CSRP2: variants seen among roughly 807,000 people sequenced by gnomAD.
The protein encoded by CSRP2 is cysteine and glycine rich protein 2.
A neutral mutation model predicts 24.6 loss-of-function variants in CSRP2; 18 were observed. That is an observed-to-expected ratio of 0.73 (90% CI 0.51 to 1.09). The LOEUF (loss-of-function observed/expected upper bound fraction) is 1.09. CSRP2 is among the 50% of genes least tolerant of loss of function. The pLI is 0.00. For missense variants in CSRP2, 215 were observed against 239.4 expected, an observed-to-expected ratio of 0.90 and a Z score of 0.67; for synonymous variants, 87 against 84.3, an observed-to-expected ratio of 1.03 and a Z score of -0.18.
intron 2 of CSRP2, 145 bp from the exon 3 acceptor site, chr12:76,863,489 AT>A: frequency 1.4e-6 from 1 of 725,406 alleles, no homozygotes. Flanking sequence ...CCCAAAAGCC[AT>A]GAGACAGCAT....
intron 4 of CSRP2, 53 bp downstream of exon 4, chr12:76,860,231 A>T: frequency 6.3e-7 from 1 of 1,590,794 alleles, no homozygotes; most frequent in Middle Eastern, 2.2e-4. Flanking sequence ...GTTAGGGGAG[A>T]AAGGGAGCAG....
intron 1 of CSRP2, among the ~76,000 whole-genome samples, chr12:76,871,577 T>C (rs1050345984): frequency 7.2e-5 from 11 of 152,094 alleles, no homozygotes; most frequent in East Asian, 1.9e-4. Flanking sequence ...AAGACCATCC[T>C]GGCTAACACG....
Position 76,858,899 on chromosome 12 carries a change from C to T in CSRP2, c.*53G>A. On this transcript the variant is annotated 3_prime_UTR_variant, in exon 6 of 6. Transcript: ENST00000311083. ...AGTTTAGTGTTAAAGATTATCTGTG[C>T]CTAGATTATGAAGAGATTCTCAGTG... 3 of 1,471,024 alleles carry T rather than the reference C, an allele frequency of 2.0e-6. No homozygotes were observed. Among genetic ancestry groups the T allele is most frequent in the Non-Finnish European group, 2.9e-6 (3 of 1,050,212 alleles). The allele number at this position is 1,471,024 out of a possible 1,614,324, so 91.1% of individuals were successfully genotyped here. A position where few individuals can be genotyped will look rare whatever the true frequency, so the allele number is the denominator to read the frequency against.
chr12:76,863,162 G>A lies in CSRP2; in HGVS notation c.281+14C>T. On this transcript the variant is annotated intron_variant, in intron 3 of 5. Coordinates refer to ENST00000311083, the MANE Select transcript of CSRP2 (RefSeq NM_001321.3). ...AACTCATTTCTGAAGGTAACCAACG[G>A]TCTCCCAACTCACCTCTCTGGTTTG... 2 of 1,603,304 alleles carry A rather than the reference G, an allele frequency of 1.2e-6. No homozygotes were observed. The highest frequency in any genetic ancestry group is 2.2e-5 in the South Asian group (2 of 90,166).
At chr12:76,875,837 A>G (rs1237484508) in intron 1 of CSRP2, among the ~76,000 whole-genome samples, 1 of 152,238 alleles carries the variant, frequency 6.6e-6, no homozygotes, top group African/African-American at 2.4e-5. Flanking sequence ...CATAACAACT[A>G]AAGTAAGCAC....
chr12:76,869,541 CA>C (rs1953772638), intron 1 of CSRP2, among the ~76,000 whole-genome samples: 1 of 124,902 alleles, frequency 8.0e-6, no homozygotes, highest in African/African-American at 3.3e-5. Flanking sequence ...CACACACACA[CA>C]CACACACACA....
At chr12:76,864,904 G>C (rs946205059) in intron 2 of CSRP2, 1 of 152,174 alleles carries the variant, frequency 6.6e-6, no homozygotes, top group Non-Finnish European at 1.5e-5. Flanking sequence ...CCTTAACAGA[G>C]AGAATAAATG....
intron 1 of CSRP2, among the ~76,000 whole-genome samples, chr12:76,876,096 G>A (rs569683332): frequency 6.6e-6 from 1 of 152,282 alleles, no homozygotes; most frequent in South Asian, 2.1e-4. Context: ...GCCGTGTGCT[G>A]GATGAGGATT....
chr12:76,863,514 C>A (rs1953705265), intron 2 of CSRP2, 170 bp from the exon 3 acceptor site: 1 of 565,328 alleles, frequency 1.8e-6, no homozygotes, highest in Admixed American at 3.3e-5. Context: ...GACTGGCCAG[C>A]TACATTCGAG....
intron 4 of CSRP2, 103 bp downstream of exon 4, chr12:76,860,181 G>A: frequency 1.6e-6 from 2 of 1,268,240 alleles, no homozygotes; most frequent in Non-Finnish European, 2.2e-6. Context: ...ATATAAGACA[G>A]TGATTTGTAA....
At chr12:76,862,690 T>C (rs1353790662) in intron 3 of CSRP2, 1 of 1,223,876 alleles carries the variant, frequency 8.2e-7, no homozygotes, top group East Asian at 2.8e-5. Context: ...TCTCAAAGAA[T>C]CAAAAATAAG....
At chr12:76,862,850 T>C in intron 3 of CSRP2, 1 of 1,528,346 alleles carries the variant, frequency 6.5e-7, no homozygotes. Context: ...ACACAGCACA[T>C]TTCTCTACCA....
chr12:76,863,230 C>T lies in CSRP2; in HGVS notation c.227G>A (p.Gly76Asp). 6.2e-7 allele frequency: 1 copy of T among 1,614,234 alleles called. No homozygotes were observed. The highest frequency in any genetic ancestry group is 8.5e-7 in the Non-Finnish European group (1 of 1,180,048). Residue 76 changes from glycine (G) to aspartate (D), a missense_variant, in exon 3 of 6, where the codon GGC becomes GAC. Gly to Asp is a moderately conservative substitution (Grantham distance 94). Transcript: ENST00000311083. ...ACGGTCCATGTTAAGCGTGCCAGCG[C>T]CCTGGCCATAACCGTAGCCTTTTGG... is the stretch of plus-strand genomic sequence containing the variant. Reference protein sequence around the residue: ...YGPKGYGYGQGAGTLNMDRGE... With the variant: ...YGPKGYGYGQDAGTLNMDRGE...
rs1475827513 is a variant in CSRP2 at position 76,863,912 on chromosome 12, T to G, written c.113-568A>C. ...CCAAAAGCACCTCCTGGGATAATAA[T>G]AGTTTTAAATCCTGAATTCTAGTTT... is the stretch of plus-strand genomic sequence containing the variant. On this transcript the variant is annotated intron_variant, in intron 2 of 5. Transcript: ENST00000311083. 5 of 152,088 alleles carry G rather than the reference T, an allele frequency of 3.3e-5. No individual in the cohort carries two copies. In the East Asian group the frequency reaches 9.6e-4, roughly 29 times the overall value. 9.4% of individuals were successfully genotyped at this position (152,088 alleles called of 1,614,324 possible). A position where few individuals can be genotyped will look rare whatever the true frequency, so the allele number is the denominator to read the frequency against.
At chr12:76,863,115 A>G (rs1305661886) in intron 3 of CSRP2, 61 bp downstream of exon 3, 1 of 1,540,104 alleles carries the variant, frequency 6.5e-7, no homozygotes, top group South Asian at 1.3e-5. Flanking sequence ...GTTCCTGTTC[A>G]GCAAGCGGCA....
intron 1 of CSRP2, among the ~76,000 whole-genome samples, chr12:76,872,356 T>C (rs1324244502): frequency 6.6e-6 from 1 of 152,222 alleles, no homozygotes; most frequent in East Asian, 1.9e-4. Flanking sequence ...GTAGGAGTTA[T>C]TACGAAATTA....
intron 1 of CSRP2, among the ~76,000 whole-genome samples, chr12:76,870,785 C>CG (rs1230164491): frequency 6.6e-6 from 1 of 150,602 alleles, no homozygotes; most frequent in African/African-American, 2.4e-5. Flanking sequence ...TTTAGGGAGA[C>CG]GCTATATTAC....
At chr12:76,863,135 G>A (rs772933996) in intron 3 of CSRP2, 41 bp downstream of exon 3, 29 of 1,575,902 alleles carry the variant, frequency 1.8e-5, no homozygotes, top group East Asian at 2.3e-5. Flanking sequence ...ACTAACTGTC[G>A]CAACTCATTT....
chr12:76,863,206 C>T lies in CSRP2; in HGVS notation c.251G>A (p.Arg84His), dbSNP rs368425777. ...TGGTTTGATGCCCAGCCTCTCGCCA[C>T]GGTCCATGTTAAGCGTGCCAGCGCC... is the stretch of plus-strand genomic sequence containing the variant. ...GQGAGTLNMD[R>H]GERLGIKPES... Residue 84 changes from arginine (R) to histidine (H), a missense_variant, in exon 3 of 6, where the codon CGT becomes CAT. Physicochemically the swap from Arg to His is conservative, Grantham distance 29 (BLOSUM62 0). Transcript: ENST00000311083. 27 of 1,613,814 alleles carry T rather than the reference C, an allele frequency of 1.7e-5. No homozygotes were observed. Among genetic ancestry groups the T allele is most frequent in the Middle Eastern group, 3.3e-4 (2 of 6,082 alleles).
Sources: allele counts gnomAD v4.1 joint callset (sites outside exome capture counted in the v4.1 genomes callset), GRCh38; gene constraint gnomAD v4.1.1; transcripts MANE v1.5; gene names NCBI Gene and HGNC (gene_info 2026-07-23, HGNC 2026-07-21).